GPAA1: variants seen among roughly 807,000 people sequenced by gnomAD.
GPAA1 encodes glycosylphosphatidylinositol anchor attachment 1.
Under a neutral mutation model 64.0 loss-of-function variants are expected in GPAA1, and 54 were observed. That is an observed-to-expected ratio of 0.84 (90% CI 0.68 to 1.06). The LOEUF (loss-of-function observed/expected upper bound fraction) is 1.06. GPAA1 is among the 50% of genes least tolerant of loss of function. The pLI, the probability that GPAA1 is intolerant of heterozygous loss-of-function variation, is 0.00. For missense variants in GPAA1, 780 were observed against 822.3 expected (o/e 0.95, Z 0.63); for synonymous variants, 393 against 377.3 (o/e 1.04, Z -0.48).
Position 144,082,755 on chromosome 8 carries a change from C to G in GPAA1, c.25C>G (p.Arg9Gly). 6.8e-7 allele frequency: 1 copy of G among 1,464,524 alleles called. No homozygotes were observed. The highest frequency in any genetic ancestry group is 1.3e-5 in the South Asian group (1 of 75,702). 90.7% of individuals were successfully genotyped at this position (1,464,524 alleles called of 1,614,324 possible). A position where few individuals can be genotyped will look rare whatever the true frequency, so the allele number is the denominator to read the frequency against. ...CATGGGCCTCCTGTCGGACCCGGTT[C>G]GCCGGCGCGCGCTCGCCCGCCTAGT... The part of the protein sequence containing the change: MGLLSDPV[R>G]RRALARLVLR... Residue 9 changes from arginine to glycine, a missense_variant, in exon 1 of 12, where the codon CGC (arginine) becomes GGC (glycine). Arg to Gly is a moderately radical substitution (Grantham distance 125). Transcript: ENST00000355091.
In GPAA1 at chr8:144,082,701, G is replaced by T; in HGVS notation, c.-30G>T. 7.0e-7 allele frequency: 1 copy of T among 1,434,274 alleles called. No homozygotes were observed. The highest frequency in any genetic ancestry group is 2.6e-5 in the Admixed American group (1 of 38,092). 88.8% of individuals were successfully genotyped at this position (1,434,274 alleles called of 1,614,324 possible). ...CGCGGCGGTAGTTGGAGGCGGGAGA[G>T]GGTCCGTAGCCGCGCCGCCCTGCCC... On this transcript the variant is annotated 5_prime_UTR_variant, in exon 1 of 12. In the 5' UTR this introduces an upstream ATG that the reference lacks. Coordinates refer to ENST00000355091, the MANE Select transcript of GPAA1 (RefSeq NM_003801.4).
rs201888630 is a variant in GPAA1 at position 144,083,752 on chromosome 8, C to A, written c.405C>A (p.Ala135=). ...SGTNVYGILR[A]PRAASTESLV... Reference sequence around the variant, plus strand: ...CCAACGTGTACGGCATCCTGCGGGCCCCGCGTGCTGCCAGCACCGAGTCGC... The same window carrying A: ...CCAACGTGTACGGCATCCTGCGGGCACCGCGTGCTGCCAGCACCGAGTCGC... Residue 135 remains alanine, a synonymous_variant, in exon 4 of 12, where the codon GCC becomes GCA. Transcript: ENST00000355091. 32 of 1,604,992 alleles carry A rather than the reference C, an allele frequency of 2.0e-5. No individual in the cohort carries two copies. Among genetic ancestry groups the A allele is most frequent in the Non-Finnish European group, 2.5e-5 (30 of 1,179,778 alleles).
Position 144,085,727 on chromosome 8 carries a change from A to C in GPAA1, c.1606A>C (p.Lys536Gln). The C allele has an allele frequency of 6.2e-7, 1 of 1,612,874 alleles. No homozygotes were observed. The highest frequency in any genetic ancestry group is 2.2e-5 in the East Asian group (1 of 44,876). ...TTMVPTAALA[K>Q]PHGPRTLYAA... ...CATGGTGCCCACTGCTGCGCTTGCC[A>C]AGCCTCATGGGCCCCGGTATGTATG... The change falls in exon 11 of 12, where the codon AAG becomes CAG. Residue 536 changes from lysine to glutamine, a missense_variant. Lys to Gln is a moderately conservative substitution (Grantham distance 53, BLOSUM62 1). Transcript: ENST00000355091.
chr8:144,084,942 A>AGTCTT, intron 8 of GPAA1, 67 bp downstream of exon 8: 1 of 1,579,260 alleles, frequency 6.3e-7, no homozygotes. Flanking sequence ...GGCTGGGGAG[A>AGTCTT]GTCTTCCATC....
At chr8:144,085,241 G>T (rs1161191063) in intron 9 of GPAA1, 48 bp from the exon 10 acceptor site, 3 of 1,532,060 alleles carry the variant, frequency 2.0e-6, no homozygotes, top group South Asian at 2.4e-5. Flanking sequence ...GGTCTTTGGG[G>T]ATCCCCTGGC....
In GPAA1 at chr8:144,083,233, G is replaced by C; in HGVS notation, c.184G>C (p.Glu62Gln). ...CGCCATGGGCTCCACCATGGTGGAG[G>C]AGCAGTTTGCGGGCGGAGACCGTGC... ...ENAMGSTMVE[E>Q]QFAGGDRARA... Residue 62 changes from glutamate to glutamine, a missense_variant, in exon 2 of 12, where the codon GAG (glutamate) becomes CAG (glutamine). Physicochemically the swap from Glu to Gln is conservative, Grantham distance 29 (BLOSUM62 2). Coordinates refer to ENST00000355091, the MANE Select transcript of GPAA1 (RefSeq NM_003801.4). The C allele has an allele frequency of 6.2e-7, 1 of 1,609,814 alleles. No homozygotes were observed. The highest frequency in any genetic ancestry group is 8.5e-7 in the Non-Finnish European group (1 of 1,177,468).
At chr8:144,084,682 G>A in intron 7 of GPAA1, 40 bp from the exon 8 acceptor site, 2 of 1,610,060 alleles carry the variant, frequency 1.2e-6, no homozygotes, top group Non-Finnish European at 1.7e-6. Flanking sequence ...GGATGGCCTG[G>A]TGGCTCTGGC....
Position 144,083,319 on chromosome 8 carries a change from G to A in GPAA1, c.254+16G>A. 9 of 1,609,160 alleles carry A rather than the reference G, an allele frequency of 5.6e-6. No homozygotes were observed. The highest frequency in any genetic ancestry group is 1.3e-5 in the African/African-American group (1 of 74,950). On this transcript the variant is annotated intron_variant, in intron 2 of 11. Transcript: ENST00000355091. ...AGAAGTCGGGGTGAGCGGCAGAGCAGGGCGTATGGGGCGAGCAGTGGTGGC... is the reference window on the plus strand; with the variant it reads ...AGAAGTCGGGGTGAGCGGCAGAGCAAGGCGTATGGGGCGAGCAGTGGTGGC...
intron 6 of GPAA1, 30 bp downstream of exon 6, chr8:144,084,360 AG>A: frequency 6.2e-7 from 1 of 1,611,912 alleles, no homozygotes; most frequent in South Asian, 1.1e-5. Flanking sequence ...TGAGGGCTGA[AG>A]GGCACAGGGT....
rs1554764329 is a variant in GPAA1 at position 144,085,989 on chromosome 8, GCTGGCAGCTCTTC to G, written c.1739_1751del (p.Leu580ArgfsTer2). On this transcript the variant is annotated frameshift_variant, in exon 12 of 12. Coordinates refer to ENST00000355091, the MANE Select transcript of GPAA1 (RefSeq NM_003801.4). LOFTEE classifies it high-confidence loss of function. ...GAGGCGCCACTGTCACTGGCCGAGG[GCTGGCAGCTCTTC>G]CTGGCAGCGCTAGCCCAGGGTGTGC... The G allele has an allele frequency of 6.2e-7, 1 of 1,608,706 alleles. No individual in the cohort carries two copies. Among genetic ancestry groups the G allele is most frequent in the Non-Finnish European group, 8.5e-7 (1 of 1,179,950 alleles).
intron 1 of GPAA1, 133 bp from the exon 2 acceptor site, chr8:144,082,991 G>A: frequency 2.2e-6 from 2 of 929,898 alleles, no homozygotes; most frequent in South Asian, 3.4e-5. Flanking sequence ...GCTCGGGTCC[G>A]GCGTCCCGAT....
chr8:144,083,478 C>A lies in GPAA1; in HGVS notation c.344C>A (p.Pro115Gln). The A allele has an allele frequency of 6.2e-7, 1 of 1,613,242 alleles. No individual in the cohort carries two copies. Among genetic ancestry groups the A allele is most frequent in the Non-Finnish European group, 8.5e-7 (1 of 1,179,346 alleles). Residue 115 changes from proline (P) to glutamine (Q), a missense_variant, in exon 3 of 12, where the codon CCA (proline) becomes CAA (glutamine). By Grantham distance (76) the Pro-to-Gln change is moderately conservative. Coordinates refer to ENST00000355091, the MANE Select transcript of GPAA1 (RefSeq NM_003801.4). The stretch of plus-strand genomic sequence containing the variant: ...AGTTTCTCCCGGAAACTGCCCTTCC[C>A]AGATGAGACCCACGAGCGCTATGTA... Reference protein sequence around the residue: ...TQSFSRKLPFPDETHERYMVS... With the variant: ...TQSFSRKLPFQDETHERYMVS...
chr8:144,085,530 T>C, intron 10 of GPAA1, 43 bp from the exon 11 acceptor site: 3 of 1,606,354 alleles, frequency 1.9e-6, no homozygotes, highest in Non-Finnish European at 2.6e-6. Context: ...CCCCTGGACA[T>C]GCAGACAGCT....
In GPAA1 at chr8:144,083,500, T is replaced by G. The variant is rs1554763842; in HGVS notation, c.366T>G (p.Tyr122Ter). 1 of 1,606,362 alleles carries G rather than the reference T, an allele frequency of 6.2e-7. No individual in the cohort carries two copies. Among genetic ancestry groups the G allele is most frequent in the Non-Finnish European group, 8.5e-7 (1 of 1,173,160 alleles). Residue 122 changes from tyrosine to a stop codon, truncating the protein, a stop_gained and splice_region_variant, in exon 3 of 12, where the codon TAT becomes TAG. Coordinates refer to ENST00000355091, the MANE Select transcript of GPAA1 (RefSeq NM_003801.4). LOFTEE classifies it high-confidence loss of function. ...LPFPDETHERYMVSGTNVYGI... is the reference protein window; with the variant it reads ...LPFPDETHER ...TCCCAGATGAGACCCACGAGCGCTA[T>G]GTACTGGGGGAGTGGGGTGTGCCTG...
Position 144,082,768 on chromosome 8 carries a change from T to C in GPAA1, c.38T>C (p.Leu13Pro), listed in dbSNP as rs2129936736. Reference sequence around the variant, plus strand: ...TCGGACCCGGTTCGCCGGCGCGCGCTCGCCCGCCTAGTGCTGCGCCTCAAC... The same window carrying C: ...TCGGACCCGGTTCGCCGGCGCGCGCCCGCCCGCCTAGTGCTGCGCCTCAAC... ...LLSDPVRRRA[L>P]ARLVLRLNAP... Residue 13 changes from leucine (L) to proline (P), a missense_variant, in exon 1 of 12, where the codon CTC (leucine) becomes CCC (proline). Physicochemically the swap from Leu to Pro is moderately conservative, Grantham distance 98. Coordinates refer to ENST00000355091, the MANE Select transcript of GPAA1 (RefSeq NM_003801.4). 6.8e-7 allele frequency: 1 copy of C among 1,464,648 alleles called. No individual in the cohort carries two copies. Among genetic ancestry groups the C allele is most frequent in the South Asian group, 1.3e-5 (1 of 75,808 alleles). 90.7% of individuals were successfully genotyped at this position (1,464,648 alleles called of 1,614,324 possible).
chr8:144,083,574 G>T, intron 3 of GPAA1, 74 bp downstream of exon 3: 2 of 1,432,216 alleles, frequency 1.4e-6, no homozygotes, highest in Non-Finnish European at 2.0e-6. Flanking sequence ...GTATCACCTT[G>T]CGGGGGTGTC....
At position 144,085,928 on chromosome 8, in the gene GPAA1, C is replaced by G; in HGVS notation, c.1669C>G (p.Leu557Val). Residue 557 changes from leucine (L) to valine (V), a missense_variant, in exon 12 of 12, where the codon CTC (leucine) becomes GTC (valine). Transcript: ENST00000355091. ...GGTGCTGACCAGCCCGGCAGCCACG[C>G]TCCTTGGCAGCCTGTTCCTGTGGCG... ...LLVLTSPAAT[L>V]LGSLFLWREL... is the part of the protein sequence containing the mutation. 6.2e-7 allele frequency: 1 copy of G among 1,610,368 alleles called. No homozygotes were observed. Among genetic ancestry groups the G allele is most frequent in the South Asian group, 1.1e-5 (1 of 91,062 alleles).
At chr8:144,083,606 G>A (rs1835944208) in intron 3 of GPAA1, 106 bp downstream of exon 3, 1 of 1,416,098 alleles carries the variant, frequency 7.1e-7, no homozygotes, top group South Asian at 1.2e-5. Context: ...AAGCTCAGTG[G>A]GAGGGAAATC....
chr8:144,082,637 C>T lies in GPAA1; in HGVS notation c.-94C>T. 2 of 827,046 alleles carry T rather than the reference C, an allele frequency of 2.4e-6. No homozygotes were observed. The highest frequency in any genetic ancestry group is 3.3e-6 in the Non-Finnish European group (2 of 597,980). 51.2% of individuals were successfully genotyped at this position (827,046 alleles called of 1,614,324 possible). A position where few individuals can be genotyped will look rare whatever the true frequency, so the allele number is the denominator to read the frequency against. ...CTCTGGGACCGGAAGTGCGGGCGAG[C>T]GCGGGTCCCCGGGTCTGACAGGAGC... On this transcript the variant is annotated 5_prime_UTR_variant, in exon 1 of 12. Coordinates refer to ENST00000355091, the MANE Select transcript of GPAA1 (RefSeq NM_003801.4).
Sources: allele counts gnomAD v4.1 joint callset, GRCh38; gene constraint gnomAD v4.1.1; transcripts MANE v1.5; gene names NCBI Gene and HGNC (gene_info 2026-07-23, HGNC 2026-07-21).